Variants in KCNQ1OT1 observed in about 807,000 individuals in gnomAD.
The protein encoded by KCNQ1OT1 is KCNQ1 antisense RNA 2 (non-protein coding).
At chr11:2,650,080 C>T in exon 1 of KCNQ1OT1, 2 of 398,266 alleles carry the variant, frequency 5.0e-6, no homozygotes, top group Non-Finnish European at 8.9e-6. Context: ...GCTTTTGAAG[C>T]TTTCAATTGT....
At position 2,674,393 on chromosome 11, in the gene KCNQ1OT1, GTGCGTGTGTGTGTGCGCGCC is replaced by G. The variant is rs1374218906; in HGVS notation, n.25582_25601del. 1 of 398,488 alleles carries G rather than the reference GTGCGTGTGTGTGTGCGCGCC, an allele frequency of 2.5e-6. No individual in the cohort carries two copies. The highest frequency in any genetic ancestry group is 2.1e-5 in the African/African-American group (1 of 48,610). 24.7% of individuals were successfully genotyped at this position (398,488 alleles called of 1,614,324 possible). A position where few individuals can be genotyped will look rare whatever the true frequency, so the allele number is the denominator to read the frequency against. The stretch of plus-strand genomic sequence containing the variant: ...CTTCCTGCTTAGGGAAGGTGCATGC[GTGCGTGTGTGTGTGCGCGCC>G]CGCGCGCACACGACCACAGAGGCTG... On this transcript the variant is annotated non_coding_transcript_exon_variant, in exon 1 of 1. Transcript: ENST00000597346. This position sits in a 1 kb window ranked among gnomAD's most constrained non-coding sequence, Gnocchi z 5.9.
At chr11:2,641,941 TA>T in exon 1 of KCNQ1OT1, 1 of 398,482 alleles carries the variant, frequency 2.5e-6, no homozygotes, top group South Asian at 1.3e-4. Context: ...CAGTTGGCTG[TA>T]AATACATGGA....
chr11:2,653,667 T>A lies in KCNQ1OT1; in HGVS notation n.46328A>T. On this transcript the variant is annotated non_coding_transcript_exon_variant, in exon 1 of 1. Coordinates refer to ENST00000597346, the Ensembl canonical transcript of KCNQ1OT1. This position sits in a 1 kb window ranked among gnomAD's most constrained non-coding sequence, Gnocchi z 5.3. ...TAAAAGGGGCAAAATGGCCACCAGCTTGCATTCAACAGCTCAGGAAGCCCA... is the reference window on the plus strand; with the variant it reads ...TAAAAGGGGCAAAATGGCCACCAGCATGCATTCAACAGCTCAGGAAGCCCA... 7.5e-6 allele frequency: 3 copies of A among 398,714 alleles called. No individual in the cohort carries two copies. Among genetic ancestry groups the A allele is most frequent in the Non-Finnish European group, 1.3e-5 (3 of 226,106 alleles). 24.7% of individuals were successfully genotyped at this position (398,714 alleles called of 1,614,324 possible). A position where few individuals can be genotyped will look rare whatever the true frequency, so the allele number is the denominator to read the frequency against.
Position 2,683,711 on chromosome 11 carries a change from T to G in KCNQ1OT1, n.16284A>C. ...CCTAGCCTGGGACTCAGGCCTTTCCTTACTCCCTCTGGTTACCTAGCTTTA... is the reference window on the plus strand; with the variant it reads ...CCTAGCCTGGGACTCAGGCCTTTCCGTACTCCCTCTGGTTACCTAGCTTTA... On this transcript the variant is annotated non_coding_transcript_exon_variant, in exon 1 of 1. Transcript: ENST00000597346. This position sits in a 1 kb window ranked among gnomAD's most constrained non-coding sequence, Gnocchi z 4.7. 1 of 398,604 alleles carries G rather than the reference T, an allele frequency of 2.5e-6. No homozygotes were observed. The highest frequency in any genetic ancestry group is 1.3e-4 in the South Asian group (1 of 7,854). The allele number at this position is 398,604 out of a possible 1,614,324, so 24.7% of individuals were successfully genotyped here.
chr11:2,623,202 G>A lies in KCNQ1OT1; in HGVS notation n.76793C>T, dbSNP rs1849203469. 1 of 398,620 alleles carries A rather than the reference G, an allele frequency of 2.5e-6. No homozygotes were observed. The allele number at this position is 398,620 out of a possible 1,614,324, so 24.7% of individuals were successfully genotyped here. On this transcript the variant is annotated non_coding_transcript_exon_variant, in exon 1 of 1. Coordinates refer to ENST00000597346, the Ensembl canonical transcript of KCNQ1OT1. The surrounding 1 kb of genome is among the most constrained non-coding windows in gnomAD (Gnocchi z 5.2). ...CCTTTGCCTTCCGCCATGATTTTAAGTTTCTGAGGCCTGCCAGCCATGCTT... is the reference window on the plus strand; with the variant it reads ...CCTTTGCCTTCCGCCATGATTTTAAATTTCTGAGGCCTGCCAGCCATGCTT...
chr11:2,644,762 G>A, exon 1 of KCNQ1OT1: 1 of 398,564 alleles, frequency 2.5e-6, no homozygotes, highest in South Asian at 1.3e-4. Flanking sequence ...CTTTGGTTTT[G>A]ATTCTGGGTG....
In KCNQ1OT1 at chr11:2,633,793, G is replaced by A. The variant is rs370705995; in HGVS notation, n.66202C>T. On this transcript the variant is annotated non_coding_transcript_exon_variant, in exon 1 of 1. Coordinates refer to ENST00000597346, the Ensembl canonical transcript of KCNQ1OT1. ...TTTGTATACAAGGGGGATTGCTTCC[G>A]AGACCCCCTGTATATACCAAAAGCC... is the stretch of plus-strand genomic sequence containing the variant. The A allele has an allele frequency of 3.5e-5, 14 of 398,408 alleles. No homozygotes were observed. The South Asian group carries it at 1.0e-3, about 29-fold the overall frequency. The allele number at this position is 398,408 out of a possible 1,614,324, so 24.7% of individuals were successfully genotyped here.
exon 1 of KCNQ1OT1, chr11:2,628,811 C>A (rs1471466879): frequency 2.5e-6 from 1 of 397,984 alleles, no homozygotes; most frequent in Non-Finnish European, 4.4e-6. Context: ...GGGTAAGGTT[C>A]CAATTTAATT....
At chr11:2,636,786 T>G (rs1329243256) in exon 1 of KCNQ1OT1, 2 of 152,278 alleles carry the variant, frequency 1.3e-5, no homozygotes, top group African/African-American at 2.4e-5. Flanking sequence ...GTACCTCTGG[T>G]AGAATTCGGC....
Position 2,670,025 on chromosome 11 carries a change from G to T in KCNQ1OT1, n.29970C>A, listed in dbSNP as rs1850152346. On this transcript the variant is annotated non_coding_transcript_exon_variant, in exon 1 of 1. Transcript: ENST00000597346. This position sits in a 1 kb window ranked among gnomAD's most constrained non-coding sequence, Gnocchi z 4.9. ...TCAGGAGCTGTTGGGGTCCCGTGGA[G>T]GTACAGGCGGAAACCTAGCACTCAC... The T allele has an allele frequency of 2.5e-6, 1 of 398,632 alleles. No individual in the cohort carries two copies. The highest frequency in any genetic ancestry group is 4.4e-5 in the Admixed American group (1 of 22,738). 24.7% of individuals were successfully genotyped at this position (398,632 alleles called of 1,614,324 possible).
At chr11:2,630,484 C>G in exon 1 of KCNQ1OT1, 1 of 398,192 alleles carries the variant, frequency 2.5e-6, no homozygotes, top group East Asian at 3.6e-5. Context: ...CTTATACTTC[C>G]CCCGCTACAT....
Position 2,685,580 on chromosome 11 carries a change from CA to C in KCNQ1OT1, n.14414del, listed in dbSNP as rs1296101149. On this transcript the variant is annotated non_coding_transcript_exon_variant, in exon 1 of 1. Transcript: ENST00000597346. The stretch of plus-strand genomic sequence containing the variant: ...TACAGCTCTTGGCCCTTCCATACAG[CA>C]CATGACAGGAAGCTAGGAGGGTTGC... The C allele has an allele frequency of 2.0e-5, 8 of 398,572 alleles. No homozygotes were observed. In the Admixed American group the frequency reaches 2.2e-4, roughly 11 times the overall value. 24.7% of individuals were successfully genotyped at this position (398,572 alleles called of 1,614,324 possible). A position where few individuals can be genotyped will look rare whatever the true frequency, so the allele number is the denominator to read the frequency against.
Position 2,658,104 on chromosome 11 carries a change from G to A in KCNQ1OT1, n.41891C>T, listed in dbSNP as rs1849884270. 7.5e-6 allele frequency: 3 copies of A among 398,458 alleles called. No homozygotes were observed. The highest frequency in any genetic ancestry group is 4.4e-5 in the Admixed American group (1 of 22,714). 24.7% of individuals were successfully genotyped at this position (398,458 alleles called of 1,614,324 possible). A position where few individuals can be genotyped will look rare whatever the true frequency, so the allele number is the denominator to read the frequency against. On this transcript the variant is annotated non_coding_transcript_exon_variant, in exon 1 of 1. Coordinates refer to ENST00000597346, the Ensembl canonical transcript of KCNQ1OT1. This position sits in a 1 kb window ranked among gnomAD's most constrained non-coding sequence, Gnocchi z 4.9. ...GGGTTCAACTCTACCTCCTGCAGGAGAGTATCAAAAAAAATCTGCAAATAT... is the reference window on the plus strand; with the variant it reads ...GGGTTCAACTCTACCTCCTGCAGGAAAGTATCAAAAAAAATCTGCAAATAT...
exon 1 of KCNQ1OT1, chr11:2,649,171 G>T: frequency 2.5e-6 from 1 of 397,988 alleles, no homozygotes. Context: ...CATTTAGCCA[G>T]TATCTATCTT....
chr11:2,634,431 T>C (rs1272348197), exon 1 of KCNQ1OT1: 2 of 177,262 alleles, frequency 1.1e-5, no homozygotes, highest in East Asian at 2.6e-4. Flanking sequence ...ATGCGGTGTT[T>C]GGTTTTTCAT....
At chr11:2,643,573 A>C (rs1170662561) in exon 1 of KCNQ1OT1, 7 of 398,360 alleles carry the variant, frequency 1.8e-5, no homozygotes, top group Middle Eastern at 1.2e-3. Context: ...TGTAGATAGC[A>C]TTTAGATGGG....
At chr11:2,656,849 ATAGT>A (rs931919447) in exon 1 of KCNQ1OT1, 1 of 398,612 alleles carries the variant, frequency 2.5e-6, no homozygotes, top group East Asian at 3.6e-5. Context: ...TATGCTTTTC[ATAGT>A]TAGGTCTTCA....
rs1405488837 is a variant in KCNQ1OT1 at position 2,615,238 on chromosome 11, A to G, written n.84757T>C. 13 of 398,136 alleles carry G rather than the reference A, an allele frequency of 3.3e-5. No homozygotes were observed. The East Asian group carries it at 4.3e-4, about 13-fold the overall frequency. The allele number at this position is 398,136 out of a possible 1,614,324, so 24.7% of individuals were successfully genotyped here. ...TAGAGGCACAAATGATTTTCTTAAA[A>G]TAAATGTTGAACATGTACCCTGCAA... On this transcript the variant is annotated non_coding_transcript_exon_variant, in exon 1 of 1. Coordinates refer to ENST00000597346, the Ensembl canonical transcript of KCNQ1OT1.
chr11:2,615,411 T>C (rs944290848), exon 1 of KCNQ1OT1: 2 of 398,068 alleles, frequency 5.0e-6, no homozygotes, highest in Admixed American at 4.4e-5. Context: ...ATCTGCCTAA[T>C]TGTCATGGTT....
Sources: gnomAD v4.1 joint callset for allele counts on GRCh38, gnomAD v4.1.1 for gene constraint, Gnocchi (gnomAD v3.1) non-coding constraint, MANE v1.5 for transcripts, NCBI Gene and HGNC (gene_info 2026-07-23, HGNC 2026-07-21) for gene names.